Variants in ABCA4 observed in about 807,000 individuals in gnomAD.
ABCA4 encodes retinal-specific phospholipid-transporting ATPase ABCA4.
Under a neutral mutation model 263.7 loss-of-function variants are expected in ABCA4, and 196 were observed. That is an observed-to-expected ratio of 0.74 (90% CI 0.66 to 0.84). ABCA4 has a LOEUF of 0.84. Ranked by LOEUF, ABCA4 falls within the 40% of genes least tolerant of loss-of-function variation. ABCA4 has a pLI of 0.00. For missense variants in ABCA4, 2,792 were observed against 2,855.1 expected, an observed-to-expected ratio of 0.98 and a Z score of 0.50; for synonymous variants, 1,133 against 1,094.2, an observed-to-expected ratio of 1.04 and a Z score of -0.70.
intron 11 of ABCA4, among the ~76,000 whole-genome samples, chr1:94,072,092 T>A (rs997757103): frequency 6.6e-6 from 1 of 152,224 alleles, no homozygotes; most frequent in African/African-American, 2.4e-5. Flanking sequence ...CCTGCGTACA[T>A]TCTGTTTGGG....
intron 18 of ABCA4, among the ~76,000 whole-genome samples, chr1:94,048,384 C>A (rs1660743922): frequency 6.6e-6 from 1 of 152,256 alleles, no homozygotes; most frequent in African/African-American, 2.4e-5. Context: ...GTAACTTCCA[C>A]TGTCAGGAAA....
intron 23 of ABCA4, 98 bp downstream of exon 23, chr1:94,041,111 G>C: frequency 8.1e-7 from 1 of 1,238,444 alleles, no homozygotes; most frequent in Non-Finnish European, 1.2e-6. Flanking sequence ...TGATTCTGGT[G>C]GCGAGAGCCT....
intron 11 of ABCA4, among the ~76,000 whole-genome samples, chr1:94,076,303 G>A (rs1423299177): frequency 6.6e-6 from 1 of 152,156 alleles, no homozygotes; most frequent in Non-Finnish European, 1.5e-5. Context: ...ACTGCTAAGG[G>A]CTGTAAGCAG....
Position 94,042,802 on chromosome 1 carries a change from G to A in ABCA4, c.3287C>T (p.Ser1096Leu), listed in dbSNP as rs763267492. ...DEPTSGVDPY[S>L]RRSIWDLLLK... is the part of the protein sequence containing the mutation. Reference sequence around the variant, plus strand: ...GAGCAGATCCCAGATTGAGCGTCTCGAGTAAGGGTCCACCCCAGAGGTGGG... The same window carrying A: ...GAGCAGATCCCAGATTGAGCGTCTCAAGTAAGGGTCCACCCCAGAGGTGGG... Residue 1096 changes from serine to leucine, a missense_variant, in exon 22 of 50, where the codon TCG (serine) becomes TTG (leucine). By Grantham distance (145) the Ser-to-Leu change is moderately radical (BLOSUM62 -2). Coordinates refer to ENST00000370225, the MANE Select transcript of ABCA4 (RefSeq NM_000350.3). 2 of 1,614,200 alleles carry A rather than the reference G, an allele frequency of 1.2e-6. No homozygotes were observed. Among genetic ancestry groups the A allele is most frequent in the South Asian group, 1.1e-5 (1 of 91,088 alleles).
At chr1:94,116,040 T>C (rs1040234952) in intron 1 of ABCA4, among the ~76,000 whole-genome samples, 1 of 152,296 alleles carries the variant, frequency 6.6e-6, no homozygotes, top group African/African-American at 2.4e-5. Flanking sequence ...TCATCCTCCC[T>C]TGCAAGGCTT....
intron 17 of ABCA4, among the ~76,000 whole-genome samples, chr1:94,051,276 G>A (rs922029933): frequency 2.0e-5 from 3 of 152,224 alleles, no homozygotes; most frequent in African/African-American, 7.2e-5. Context: ...TGAATGCAAA[G>A]GTTCCTTCAT....
rs7519657 is a variant in ABCA4 at position 94,011,049 on chromosome 1, C to T, written c.5585-120G>A. 0.043 allele frequency: 67,948 copies of T among 1,578,180 alleles called. 4,140 individuals carry two copies. The highest frequency in any genetic ancestry group is 0.29 in the African/African-American group (21,446 of 74,228). On this transcript the variant is annotated intron_variant, in intron 39 of 49. Transcript: ENST00000370225. ...GGGAACTGAGCAAGAGCCAAACACC[C>T]GCCTCATAAGGGCTGCCCTCCATCC... is the stretch of plus-strand genomic sequence containing the variant.
In ABCA4 at chr1:94,060,524, C is replaced by G. The variant is rs1661092159; in HGVS notation, c.2160+13G>C. On this transcript the variant is annotated intron_variant, in intron 14 of 49. Coordinates refer to ENST00000370225, the MANE Select transcript of ABCA4 (RefSeq NM_000350.3). ...GTATTCAAGATTTTCTGGGCCTTCT[C>G]CATTTGGCTTACCATGATGAATATC... 5 of 1,611,882 alleles carry G rather than the reference C, an allele frequency of 3.1e-6. No individual in the cohort carries two copies. The highest frequency in any genetic ancestry group is 4.2e-6 in the Non-Finnish European group (5 of 1,178,794).
At chr1:94,060,401 C>A in intron 14 of ABCA4, 136 bp downstream of exon 14, 2 of 831,176 alleles carry the variant, frequency 2.4e-6, no homozygotes, top group South Asian at 1.4e-5. Context: ...CCCACGTTGG[C>A]TAAAAGGAAG....
intron 7 of ABCA4, among the ~76,000 whole-genome samples, chr1:94,081,203 C>T (rs376017844): frequency 2.0e-5 from 3 of 152,060 alleles, no homozygotes; most frequent in Admixed American, 6.6e-5. Flanking sequence ...CCAGCCTGGG[C>T]GACTGAGCAA....
Position 94,080,555 on chromosome 1 carries a change from T to C in ABCA4, c.1022A>G (p.Glu341Gly), listed in dbSNP as rs2101106686. Residue 341 changes from glutamate to glycine, a missense_variant, in exon 8 of 50, where the codon GAA becomes GGA. Physicochemically the swap from Glu to Gly is moderately conservative, Grantham distance 98. Coordinates refer to ENST00000370225, the MANE Select transcript of ABCA4 (RefSeq NM_000350.3). Reference protein sequence around the residue: ...GSRVLSFNWYEDNNYKAFLGI... With the variant: ...GSRVLSFNWYGDNNYKAFLGI... The stretch of plus-strand genomic sequence containing the variant: ...CAGAAAGGCCTTATAGTTATTGTCT[T>C]CATACCAGTTGAAGGAGAGCACCCG... 1 of 1,614,140 alleles carries C rather than the reference T, an allele frequency of 6.2e-7. No individual in the cohort carries two copies. Among genetic ancestry groups the C allele is most frequent in the Non-Finnish European group, 8.5e-7 (1 of 1,180,022 alleles).
Position 94,008,375 on chromosome 1 carries a change from G to T in ABCA4, c.5836-78C>A, listed in dbSNP as rs542600918. 3 of 1,427,054 alleles carry T rather than the reference G, an allele frequency of 2.1e-6. No homozygotes were observed. The East Asian group carries it at 6.8e-5, about 32-fold the overall frequency. 88.4% of individuals were successfully genotyped at this position (1,427,054 alleles called of 1,614,324 possible). ...AGGGGAAGAGGGAACAAAGAGCAAA[G>T]GATGGTTTAGGAGAAAACTACCAGC... On this transcript the variant is annotated intron_variant, in intron 41 of 49. Coordinates refer to ENST00000370225, the MANE Select transcript of ABCA4 (RefSeq NM_000350.3).
chr1:94,070,162 G>C (rs917461425), intron 11 of ABCA4, among the ~76,000 whole-genome samples: 1 of 152,234 alleles, frequency 6.6e-6, no homozygotes, highest in Non-Finnish European at 1.5e-5. Flanking sequence ...TGACCAATCA[G>C]ACCACATTCT....
rs777210277 is a variant in ABCA4 at position 94,011,363 on chromosome 1, A to T, written c.5483T>A (p.Val1828Glu). The stretch of plus-strand genomic sequence containing the variant: ...GAAGACAATGAGCAGCTTCCTCAGC[A>T]CGGCGTTGAACCTGAGCAGCGTCTG... ...NNRTLLRFNA[V>E]LRKLLIVFPH... is the part of the protein sequence containing the mutation. The change falls in exon 39 of 50, where the codon GTG (valine) becomes GAG (glutamate). Residue 1828 changes from valine (V) to glutamate (E), a missense_variant. Coordinates refer to ENST00000370225, the MANE Select transcript of ABCA4 (RefSeq NM_000350.3). The T allele has an allele frequency of 6.2e-7, 1 of 1,613,924 alleles. No individual in the cohort carries two copies. Among genetic ancestry groups the T allele is most frequent in the African/African-American group, 1.3e-5 (1 of 74,912 alleles).
rs760917578 is a variant in ABCA4 at position 94,044,590 on chromosome 1, G to A, written c.3050+23C>T. On this transcript the variant is annotated intron_variant, in intron 20 of 49. Coordinates refer to ENST00000370225, the MANE Select transcript of ABCA4 (RefSeq NM_000350.3). Reference sequence around the variant, plus strand: ...AGAGGTGAGGAGAGGGGATGGGGCGGTCTCAGTTCCTGTGTCGCTTACTGG... The same window carrying A: ...AGAGGTGAGGAGAGGGGATGGGGCGATCTCAGTTCCTGTGTCGCTTACTGG... 27 of 1,614,094 alleles carry A rather than the reference G, an allele frequency of 1.7e-5. No homozygotes were observed. The East Asian group carries it at 5.8e-4, about 35-fold the overall frequency.
chr1:94,057,233 C>T (rs761391769), intron 14 of ABCA4, among the ~76,000 whole-genome samples: 24 of 152,312 alleles, frequency 1.6e-4, no homozygotes, highest in Middle Eastern at 6.8e-3. Context: ...GGGCCCTGAA[C>T]CACTTGTGAT....
At chr1:94,042,704 A>G (rs913805805) in intron 22 of ABCA4, 57 bp downstream of exon 22, 3 of 1,612,312 alleles carry the variant, frequency 1.9e-6, no homozygotes, top group Non-Finnish European at 2.5e-6. Context: ...GAGAGTGGGG[A>G]CCACAGCTAG....
intron 11 of ABCA4, among the ~76,000 whole-genome samples, chr1:94,070,165 C>A (rs1661368416): frequency 6.6e-6 from 1 of 152,192 alleles, no homozygotes; most frequent in South Asian, 2.1e-4. Flanking sequence ...CCAATCAGAC[C>A]ACATTCTGGC....
intron 35 of ABCA4, among the ~76,000 whole-genome samples, chr1:94,020,556 A>G (rs1334041637): frequency 6.6e-6 from 1 of 152,216 alleles, no homozygotes. Context: ...AGGACAGTCT[A>G]GGGCCCTAGG....
Sources: gnomAD v4.1 joint callset for allele counts (sites outside exome capture counted in the v4.1 genomes callset) on GRCh38, gnomAD v4.1.1 for gene constraint, MANE v1.5 for transcripts, NCBI Gene and HGNC (gene_info 2026-07-23, HGNC 2026-07-21) for gene names.